GAP43: variants seen among roughly 807,000 people sequenced by gnomAD.
GAP43 encodes neuromodulin.
In GAP43, 6 loss-of-function variants were observed where a neutral mutation model predicts 18.6. The ratio of observed to expected loss-of-function variants is 0.32; its 90% CI spans 0.18 to 0.64. GAP43 has a LOEUF of 0.64. Ranked by LOEUF, GAP43 falls within the 30% of genes least tolerant of loss-of-function variation. The pLI, the probability that GAP43 is intolerant of heterozygous loss-of-function variation, is 0.78. For synonymous variants in GAP43, 115 were observed against 111.4 expected (o/e 1.03, Z -0.20); for missense variants, 292 against 295.5 (o/e 0.99, Z 0.09).
chr3:115,657,613 A>G (rs1197901861), intron 1 of GAP43, among the ~76,000 whole-genome samples: 1 of 152,196 alleles, frequency 6.6e-6, no homozygotes, highest in Non-Finnish European at 1.5e-5. Flanking sequence ...CCTAGAACAA[A>G]TTAGTCTTTT....
At chr3:115,628,963 G>C (rs1012334926) in intron 1 of GAP43, among the ~76,000 whole-genome samples, 1 of 152,188 alleles carries the variant, frequency 6.6e-6, no homozygotes, top group African/African-American at 2.4e-5. Flanking sequence ...ACCCAACTCA[G>C]TGTCTTCTGT....
chr3:115,663,126 G>T (rs780213900), intron 1 of GAP43, among the ~76,000 whole-genome samples: 1 of 152,124 alleles, frequency 6.6e-6, no homozygotes, highest in Non-Finnish European at 1.5e-5. Flanking sequence ...CACAACCTAT[G>T]CTGCATAAAT....
intron 2 of GAP43, among the ~76,000 whole-genome samples, chr3:115,690,016 T>A (rs1447469722): frequency 3.9e-5 from 6 of 152,224 alleles, no homozygotes; most frequent in African/African-American, 9.6e-5. Flanking sequence ...TGTAGCTCTG[T>A]TTCTGACAAG....
chr3:115,668,233 G>A (rs1317166933), intron 1 of GAP43, among the ~76,000 whole-genome samples: 1 of 152,156 alleles, frequency 6.6e-6, no homozygotes, highest in Non-Finnish European at 1.5e-5. Context: ...TGACCAGCAT[G>A]ATTAACGTGC....
In GAP43 at chr3:115,633,484, C is replaced by G. The variant is rs553197591; in HGVS notation, c.30+9765C>G. ...CCACATGTGGGTTAGCTACCCGAGT[C>G]AGAAGGAACTTATCTCAAGTGTGGT... is the stretch of plus-strand genomic sequence containing the variant. On this transcript the variant is annotated intron_variant, in intron 1 of 2. Transcript: ENST00000305124. 2.6e-5 allele frequency among the ~76,000 whole-genome samples: 4 copies of G among 152,246 alleles called. No homozygotes were observed. In the South Asian group the frequency reaches 8.3e-4, roughly 32 times the overall value.
intron 2 of GAP43, among the ~76,000 whole-genome samples, chr3:115,685,280 G>A (rs962306957): frequency 6.6e-6 from 1 of 152,206 alleles, no homozygotes; most frequent in Non-Finnish European, 1.5e-5. Flanking sequence ...CTGAAAGCAG[G>A]TGATTAATTT....
intron 1 of GAP43, among the ~76,000 whole-genome samples, chr3:115,624,270 C>CAATG (rs1261802997): frequency 6.6e-6 from 1 of 150,448 alleles, no homozygotes; most frequent in Non-Finnish European, 1.5e-5. Context: ...ATTTATTTTT[C>CAATG]AATGAATGAA....
rs750342541 is a variant in GAP43, at chr3:115,676,214, G to A, written c.232G>A (p.Val78Met). 1 of 1,614,064 alleles carries A rather than the reference G, an allele frequency of 6.2e-7. No individual in the cohort carries two copies. The highest frequency in any genetic ancestry group is 1.3e-5 in the African/African-American group (1 of 74,924). Residue 78 changes from valine to methionine, a missense_variant, in exon 2 of 3, where the codon GTG (valine) becomes ATG (methionine). Coordinates refer to ENST00000305124, the MANE Select transcript of GAP43 (RefSeq NM_002045.4). ...GGATGAAGCCCCTGTTGCCGATGGGGTGGAGAAGAAGGGAGAAGGCACCAC... is the reference window on the plus strand; with the variant it reads ...GGATGAAGCCCCTGTTGCCGATGGGATGGAGAAGAAGGGAGAAGGCACCAC... ...KKDEAPVADG[V>M]EKKGEGTTTA... is the part of the protein sequence containing the mutation.
At chr3:115,661,845 T>TTTTTTTTTTA (rs1553721649) in intron 1 of GAP43, among the ~76,000 whole-genome samples, 2 of 150,008 alleles carry the variant, frequency 1.3e-5, no homozygotes, top group Non-Finnish European at 3.0e-5. Flanking sequence ...TTTTTTTTTT[T>TTTTTTTTTTA]ACCTGGGAGC....
At chr3:115,661,513 G>A (rs1708658575) in intron 1 of GAP43, among the ~76,000 whole-genome samples, 3 of 152,206 alleles carry the variant, frequency 2.0e-5, no homozygotes, top group Non-Finnish European at 4.4e-5. Flanking sequence ...TTTTTGAGAG[G>A]AATCTCGCTC....
intron 2 of GAP43, among the ~76,000 whole-genome samples, chr3:115,711,679 C>G (rs1021722449): frequency 1.5e-4 from 23 of 152,148 alleles, no homozygotes; most frequent in African/African-American, 5.1e-4. Flanking sequence ...TAGGCTGACT[C>G]TGCATTCTAC....
At chr3:115,677,894 A>C (rs1037460271) in intron 2 of GAP43, among the ~76,000 whole-genome samples, 1 of 152,254 alleles carries the variant, frequency 6.6e-6, no homozygotes, top group East Asian at 1.9e-4. Flanking sequence ...GTAGGTGACT[A>C]TTCTAGATAT....
chr3:115,637,596 A>G (rs1324425184), intron 1 of GAP43, among the ~76,000 whole-genome samples: 2 of 152,002 alleles, frequency 1.3e-5, no homozygotes, highest in East Asian at 3.9e-4. Flanking sequence ...TTATACTTGC[A>G]TGTTCTTACT....
rs142660467 is a variant in GAP43 at position 115,714,197 on chromosome 3, A to T, written c.629-6597A>T. Among the ~76,000 whole-genome samples the T allele has an allele frequency of 2.6e-3, 395 of 152,332 alleles. 1 individual carries two copies. The highest frequency in any genetic ancestry group is 9.0e-3 in the African/African-American group (376 of 41,570). On this transcript the variant is annotated intron_variant, in intron 2 of 2. Transcript: ENST00000305124. ...GATGAATAAATGAATGAATGAAAAC[A>T]TTTTCTTTCTTCCCTTTTGAAGGAT...
chr3:115,708,940 GTTT>G (rs3086974), intron 2 of GAP43, among the ~76,000 whole-genome samples: 6,430 of 99,652 alleles, frequency 0.065, 171 homozygotes, highest in Admixed American at 0.083. Context: ...AACTGGCTGG[GTTT>G]TTTTTTTTTT....
At chr3:115,694,575 A>G (rs1271004168) in intron 2 of GAP43, among the ~76,000 whole-genome samples, 2 of 152,202 alleles carry the variant, frequency 1.3e-5, no homozygotes, top group African/African-American at 4.8e-5. Context: ...AAGCTTCACA[A>G]TGATCCTATG....
chr3:115,656,425 C>CT (rs1402213447), intron 1 of GAP43, among the ~76,000 whole-genome samples: 1 of 152,170 alleles, frequency 6.6e-6, no homozygotes, highest in African/African-American at 2.4e-5. Flanking sequence ...AGTTTGGGCT[C>CT]TTTATACTAG....
chr3:115,691,334 T>G (rs997335129), intron 2 of GAP43, among the ~76,000 whole-genome samples: 1 of 152,188 alleles, frequency 6.6e-6, no homozygotes, highest in Non-Finnish European at 1.5e-5. Flanking sequence ...AGGAGAAATA[T>G]CAGAGCGATC....
At chr3:115,671,517 TCAAA>T (rs1708815086) in intron 1 of GAP43, among the ~76,000 whole-genome samples, 2 of 152,186 alleles carry the variant, frequency 1.3e-5, no homozygotes, top group Non-Finnish European at 2.9e-5. Context: ...TGCAGAGCTC[TCAAA>T]CAAATCAGTC....
Sources: gnomAD v4.1 joint callset for allele counts (sites outside exome capture counted in the v4.1 genomes callset) on GRCh38, gnomAD v4.1.1 for gene constraint, MANE v1.5 for transcripts, NCBI Gene and HGNC (gene_info 2026-07-23, HGNC 2026-07-21) for gene names.